Variants in TBX20 observed in about 807,000 individuals in gnomAD.
TBX20 encodes the protein T-box transcription factor TBX20.
Under a neutral mutation model 42.9 loss-of-function variants are expected in TBX20, and 8 were observed. The ratio of observed to expected loss-of-function variants is 0.19; its 90% confidence interval spans 0.11 to 0.34. The LOEUF (loss-of-function observed/expected upper bound fraction) is 0.34. Ranked by LOEUF, TBX20 falls within the 10% of genes least tolerant of loss-of-function variation. The pLI, the probability that TBX20 is intolerant of heterozygous loss-of-function variation, is 1.00. For missense variants in TBX20, 411 were observed against 566.0 expected (o/e 0.73, Z 2.78); for synonymous variants, 198 against 222.8 (o/e 0.89, Z 0.99).
rs138999189 is a variant in TBX20, at chr7:35,247,275, A to G, written c.545+1402T>C. ...ATTGAAAAGTTTGGAAGGTAGCTAAAGAATAATAGTAAACTATTTAACAGT... is the reference window on the plus strand; with the variant it reads ...ATTGAAAAGTTTGGAAGGTAGCTAAGGAATAATAGTAAACTATTTAACAGT... On this transcript the variant is annotated intron_variant, in intron 3 of 7. Coordinates refer to ENST00000408931, the MANE Select transcript of TBX20 (RefSeq NM_001077653.2). 3.8e-3 allele frequency among the ~76,000 whole-genome samples: 574 copies of G among 152,110 alleles called. 2 individuals are homozygous for G. The highest frequency in any genetic ancestry group is 0.013 in the African/African-American group (539 of 41,498).
At chr7:35,247,901 T>C (rs564380717) in intron 3 of TBX20, among the ~76,000 whole-genome samples, 17 of 152,336 alleles carry the variant, frequency 1.1e-4, no homozygotes, top group African/African-American at 4.1e-4. Context: ...TTATTCTTCA[T>C]ATAAGCAAGT....
intron 6 of TBX20, among the ~76,000 whole-genome samples, chr7:35,223,620 G>A (rs1258034265): frequency 1.3e-5 from 2 of 152,176 alleles, no homozygotes; most frequent in African/African-American, 2.4e-5. Context: ...GAATGACTGT[G>A]CCAAGGGCTG....
chr7:35,227,297 T>C (rs2128712956), intron 6 of TBX20, among the ~76,000 whole-genome samples: 1 of 152,282 alleles, frequency 6.6e-6, no homozygotes, highest in South Asian at 2.1e-4. Context: ...ATAAATTTAG[T>C]GTAGCCTAAG....
chr7:35,234,148 T>C (rs1259747814), intron 5 of TBX20, among the ~76,000 whole-genome samples: 1 of 152,218 alleles, frequency 6.6e-6, no homozygotes, highest in African/African-American at 2.4e-5. Context: ...TGAAAGAACT[T>C]TTTACAGCCA....
chr7:35,242,344 G>A (rs1399443640), intron 4 of TBX20, among the ~76,000 whole-genome samples: 1 of 152,108 alleles, frequency 6.6e-6, no homozygotes, highest in East Asian at 1.9e-4. Flanking sequence ...CTGAAACAAA[G>A]GAGATCTTTA....
intron 6 of TBX20, among the ~76,000 whole-genome samples, chr7:35,226,721 T>C (rs990742020): frequency 6.6e-6 from 1 of 152,202 alleles, no homozygotes; most frequent in African/African-American, 2.4e-5. Flanking sequence ...GCCATCATAA[T>C]GCAGCAACAC....
chr7:35,241,508 A>T (rs1280408257), intron 4 of TBX20, among the ~76,000 whole-genome samples: 2 of 152,160 alleles, frequency 1.3e-5, no homozygotes, highest in Middle Eastern at 3.2e-3. Flanking sequence ...AAAAATTTTG[A>T]ATCTGTCAGT....
Position 35,211,480 on chromosome 7 carries a change from GA to G in TBX20, c.891-6899del, listed in dbSNP as rs1470116558. ...GTCTTTATTTTGCTTTTGTTTTTTT[GA>G]AAGATATTTTTGCTGGGTAAATAAT... On this transcript the variant is annotated intron_variant, in intron 6 of 7. Coordinates refer to ENST00000408931, the MANE Select transcript of TBX20 (RefSeq NM_001077653.2). 2.6e-5 allele frequency among the ~76,000 whole-genome samples: 4 copies of G among 151,944 alleles called. No homozygotes were observed. In the East Asian group the frequency reaches 7.7e-4, roughly 29 times the overall value.
chr7:35,216,359 A>G (rs765758616), intron 6 of TBX20, among the ~76,000 whole-genome samples: 5 of 152,178 alleles, frequency 3.3e-5, no homozygotes, highest in African/African-American at 7.2e-5. Flanking sequence ...GCAAGTCTGC[A>G]TATCTTGAAC....
At chr7:35,248,642 A>G (rs1295886812) in intron 3 of TBX20, 35 bp downstream of exon 3, 1 of 1,610,864 alleles carries the variant, frequency 6.2e-7, no homozygotes, top group Admixed American at 1.7e-5. Context: ...AGATGCACTA[A>G]CAGTTTTCTC....
At chr7:35,232,680 GTCT>G (rs1382174167) in intron 5 of TBX20, among the ~76,000 whole-genome samples, 1 of 152,326 alleles carries the variant, frequency 6.6e-6, no homozygotes, top group Non-Finnish European at 1.5e-5. Context: ...TTACAGGTAT[GTCT>G]TCTTCTTTCA....
In TBX20 at chr7:35,253,577, G is replaced by A; in HGVS notation, c.44C>T (p.Ala15Val). 1 of 1,612,598 alleles carries A rather than the reference G, an allele frequency of 6.2e-7. No homozygotes were observed. The highest frequency in any genetic ancestry group is 8.5e-7 in the Non-Finnish European group (1 of 1,180,020). The change falls in exon 1 of 8, where the codon GCC becomes GTC. Residue 15 changes from alanine (A) to valine (V), a missense_variant. Ala to Val is a moderately conservative substitution (Grantham distance 64). Coordinates refer to ENST00000408931, the MANE Select transcript of TBX20 (RefSeq NM_001077653.2). ...ASPKPQLSSR[A>V]NAFSIAALMS... ...GAGCGCGGCAATGGAGAAGGCGTTG[G>A]CCCGAGAGGAGAGTTGGGGCTTGGG...
At position 35,253,862 on chromosome 7, in the gene TBX20, G is replaced by T; in HGVS notation, c.-242C>A. 1.9e-6 allele frequency: 1 copy of T among 532,678 alleles called. No individual in the cohort carries two copies. Among genetic ancestry groups the T allele is most frequent in the Non-Finnish European group, 3.3e-6 (1 of 301,896 alleles). The allele number at this position is 532,678 out of a possible 1,614,324, so 33.0% of individuals were successfully genotyped here. On this transcript the variant is annotated 5_prime_UTR_variant, in exon 1 of 8. Coordinates refer to ENST00000408931, the MANE Select transcript of TBX20 (RefSeq NM_001077653.2). ...AGCCGGAGAGGAGAGGGCCCACCGA[G>T]CACTACGGCGGGTGCGCACGCCCCG...
At chr7:35,221,348 T>C (rs1789681451) in intron 6 of TBX20, among the ~76,000 whole-genome samples, 2 of 150,764 alleles carry the variant, frequency 1.3e-5, no homozygotes, top group South Asian at 4.2e-4. Flanking sequence ...AAAATTTTCC[T>C]GAGCTCAATT....
At chr7:35,206,497 A>C (rs1165380523) in intron 6 of TBX20, among the ~76,000 whole-genome samples, 5 of 152,246 alleles carry the variant, frequency 3.3e-5, no homozygotes, top group African/African-American at 1.2e-4. Context: ...CAGTGAGCCG[A>C]GATCGTGCCA....
chr7:35,232,335 G>T (rs952956653), intron 5 of TBX20, among the ~76,000 whole-genome samples: 2 of 152,188 alleles, frequency 1.3e-5, no homozygotes, highest in African/African-American at 2.4e-5. Flanking sequence ...AGTGTAGAAA[G>T]ATCCATGAAA....
At chr7:35,240,566 AC>A (rs1483785468) in intron 5 of TBX20, among the ~76,000 whole-genome samples, 2 of 152,204 alleles carry the variant, frequency 1.3e-5, no homozygotes, top group Non-Finnish European at 2.9e-5. Flanking sequence ...ACATGGTTAT[AC>A]ATGTTACCAG....
chr7:35,207,912 G>C (rs1343456389), intron 6 of TBX20, among the ~76,000 whole-genome samples: 2 of 151,894 alleles, frequency 1.3e-5, no homozygotes, highest in Non-Finnish European at 2.9e-5. Context: ...AGTTGTTTTG[G>C]CTATTCTAGT....
At chr7:35,230,160 C>T (rs1401977919) in intron 6 of TBX20, among the ~76,000 whole-genome samples, 6 of 152,234 alleles carry the variant, frequency 3.9e-5, no homozygotes, top group African/African-American at 1.4e-4. Flanking sequence ...CTACATAAAC[C>T]CGGTCTGCAG....
Sources: gnomAD v4.1 joint callset for allele counts (sites outside exome capture counted in the v4.1 genomes callset) on GRCh38, gnomAD v4.1.1 for gene constraint, MANE v1.5 for transcripts, NCBI Gene and HGNC (gene_info 2026-07-23, HGNC 2026-07-21) for gene names.